Variants in VWA8 observed in about 807,000 individuals in gnomAD.
VWA8 encodes von Willebrand factor A domain containing 8.
Under a neutral mutation model 241.5 loss-of-function variants are expected in VWA8, and 221 were observed. That is an observed-to-expected ratio of 0.91 (90% CI 0.82 to 1.02). VWA8 has a LOEUF of 1.02. VWA8 is among the 50% of genes least tolerant of loss of function. The pLI is 0.00. For missense variants in VWA8, 2,322 were observed against 2,328.7 expected (o/e 1.00, Z 0.06); for synonymous variants, 852 against 827.1 (o/e 1.03, Z -0.52).
intron 29 of VWA8, among the ~76,000 whole-genome samples, chr13:41,693,315 G>C (rs1449472972): frequency 6.6e-6 from 1 of 151,794 alleles, no homozygotes. Context: ...TTATTATCTA[G>C]TTATAAGGAA....
chr13:41,829,568 T>C (rs7999944), intron 14 of VWA8, among the ~76,000 whole-genome samples: 24,409 of 87,232 alleles, frequency 0.28, 2,112 homozygotes, highest in Non-Finnish European at 0.34. Flanking sequence ...CACACACACA[T>C]GCACACACAC....
chr13:41,693,300 C>T (rs1232891548), intron 29 of VWA8, among the ~76,000 whole-genome samples: 1 of 151,740 alleles, frequency 6.6e-6, no homozygotes, highest in Non-Finnish European at 1.5e-5. Flanking sequence ...AACCATGATT[C>T]TGTTTTATTA....
rs1447368200 is a variant in VWA8, at chr13:41,732,112, C to T, written c.2470G>A (p.Asp824Asn). 6.2e-7 allele frequency: 1 copy of T among 1,613,358 alleles called. No individual in the cohort carries two copies. Residue 824 changes from aspartate (D) to asparagine (N), a missense_variant, in exon 22 of 45, where the codon GAC becomes AAC. By Grantham distance (23) the Asp-to-Asn change is conservative (BLOSUM62 1). Transcript: ENST00000379310. ...GAGTCTTCATATACAATAAGTCCGT[C>T]TTTAACCGAAGGCTGAAGCGTAAGA... Reference protein sequence around the residue: ...QTLTLQPSVKDGLIVYEDSPL... With the variant: ...QTLTLQPSVKNGLIVYEDSPL...
chr13:41,616,891 C>G (rs1403140373), intron 37 of VWA8, among the ~76,000 whole-genome samples: 2 of 152,172 alleles, frequency 1.3e-5, no homozygotes, highest in African/African-American at 4.8e-5. Context: ...GCAGCACCCT[C>G]TAGATGTACT....
intron 17 of VWA8, among the ~76,000 whole-genome samples, chr13:41,810,554 T>A (rs1566466371): frequency 6.6e-6 from 1 of 152,098 alleles, no homozygotes; most frequent in Non-Finnish European, 1.5e-5. Flanking sequence ...TTTTCACTCA[T>A]TTCTAAAAGC....
At chr13:41,784,729 T>TATATATATATATATATATACAC (rs772522331) in intron 18 of VWA8, among the ~76,000 whole-genome samples, 3 of 60,094 alleles carry the variant, frequency 5.0e-5, no homozygotes, top group African/African-American at 1.7e-4. Context: ...TATATATATA[T>TATATATATATATATATATACAC]ACACACACAT....
At chr13:41,855,572 A>G (rs2138035756) in intron 12 of VWA8, among the ~76,000 whole-genome samples, 1 of 152,012 alleles carries the variant, frequency 6.6e-6, no homozygotes, top group East Asian at 1.9e-4. Context: ...AAGAAACCAG[A>G]TGTAAAAGGC....
intron 37 of VWA8, among the ~76,000 whole-genome samples, chr13:41,621,027 T>C (rs933415778): frequency 6.6e-6 from 1 of 152,162 alleles, no homozygotes; most frequent in South Asian, 2.1e-4. Context: ...CCAGGTACAA[T>C]TATATAATAA....
chr13:41,886,397 CA>C lies in VWA8; in HGVS notation c.867-370del, dbSNP rs942164851. The stretch of plus-strand genomic sequence containing the variant: ...TTTTAAAACAAACAAACAAACAAAA[CA>C]AAAAAAAAACACTTGTTGTGTTCGA... On this transcript the variant is annotated intron_variant, in intron 7 of 44. Transcript: ENST00000379310. 1.8e-3 allele frequency among the ~76,000 whole-genome samples: 267 copies of C among 145,546 alleles called. 2 individuals are homozygous for C. Among genetic ancestry groups the C allele is most frequent in the African/African-American group, 6.1e-3 (244 of 39,810 alleles).
chr13:41,925,914 G>T, intron 2 of VWA8: 2 of 374,418 alleles, frequency 5.3e-6, no homozygotes, highest in South Asian at 3.1e-5. Context: ...CTCATTCAAT[G>T]ACTTCATCCA....
At chr13:41,682,422 A>C (rs1301527057) in intron 35 of VWA8, among the ~76,000 whole-genome samples, 4 of 152,246 alleles carry the variant, frequency 2.6e-5, no homozygotes. Context: ...TAGAACTATA[A>C]AACTTCTAGA....
chr13:41,573,662 C>T (rs1301125757), intron 43 of VWA8, among the ~76,000 whole-genome samples: 1 of 145,006 alleles, frequency 6.9e-6, no homozygotes, highest in African/African-American at 2.7e-5. Context: ...GTCGCCCAGG[C>T]TGGAGACCTC....
At chr13:41,587,479 A>G in intron 42 of VWA8, 33 bp downstream of exon 42, 1 of 1,613,154 alleles carries the variant, frequency 6.2e-7, no homozygotes, top group African/African-American at 1.3e-5. Flanking sequence ...ATGGTCAATG[A>G]TGCCTCTCAT....
intron 26 of VWA8, among the ~76,000 whole-genome samples, chr13:41,705,761 G>A (rs1439202692): frequency 6.6e-6 from 1 of 152,142 alleles, no homozygotes; most frequent in East Asian, 1.9e-4. Flanking sequence ...AGCTTGGGGA[G>A]TCTGTGAGGA....
chr13:41,867,343 G>A (rs1248870794), intron 10 of VWA8, among the ~76,000 whole-genome samples: 1 of 152,070 alleles, frequency 6.6e-6, no homozygotes, highest in Non-Finnish European at 1.5e-5. Flanking sequence ...TCATTCCAAT[G>A]CAGTCTTAAC....
At chr13:41,706,326 T>C (rs2045282354) in intron 26 of VWA8, among the ~76,000 whole-genome samples, 2 of 152,230 alleles carry the variant, frequency 1.3e-5, no homozygotes, top group South Asian at 2.1e-4. Flanking sequence ...AGGTACCCTA[T>C]ACAGAATCTA....
intron 29 of VWA8, among the ~76,000 whole-genome samples, chr13:41,693,814 T>C (rs1384928488): frequency 6.6e-6 from 1 of 152,022 alleles, no homozygotes; most frequent in Non-Finnish European, 1.5e-5. Flanking sequence ...TTAGTTAAAA[T>C]ATAAAGAATT....
intron 38 of VWA8, among the ~76,000 whole-genome samples, chr13:41,613,134 C>A: frequency 6.6e-6 from 1 of 152,190 alleles, no homozygotes; most frequent in East Asian, 1.9e-4. Context: ...CCACCTCCAC[C>A]TTACCACTGA....
At chr13:41,851,521 C>T (rs1353131122) in intron 12 of VWA8, among the ~76,000 whole-genome samples, 1 of 152,128 alleles carries the variant, frequency 6.6e-6, no homozygotes, top group African/African-American at 2.4e-5. Flanking sequence ...GGAGCCTGGT[C>T]TTTCTCGTGC....
Sources: gnomAD v4.1 joint callset for allele counts (sites outside exome capture counted in the v4.1 genomes callset) on GRCh38, gnomAD v4.1.1 for gene constraint, MANE v1.5 for transcripts, NCBI Gene and HGNC (gene_info 2026-07-23, HGNC 2026-07-21) for gene names.